Variants in SBF1 observed in about 807,000 individuals in gnomAD.
SBF1 encodes the protein myotubularin-related protein 5.
SBF1 carries 65 observed loss-of-function variants against 215.8 expected under a neutral mutation model. The ratio of observed to expected loss-of-function variants is 0.30; its 90% CI spans 0.25 to 0.37. The LOEUF (loss-of-function observed/expected upper bound fraction) is 0.37, where lower values mean the gene tolerates loss of function less well. SBF1 is among the 10% of genes least tolerant of loss of function. The pLI, the probability that SBF1 is intolerant of heterozygous loss-of-function variation, is 1.00. For missense variants in SBF1, 2,634 were observed against 2,667.8 expected (o/e 0.99, Z 0.28); for synonymous variants, 1,410 against 1,122.8 (o/e 1.26, Z -5.11).
At chr22:50,452,723 CAAAAAAAAAAAAAAAAAAAA>C (rs57951967) in intron 36 of SBF1, among the ~76,000 whole-genome samples, 1 of 39,540 alleles carries the variant, frequency 2.5e-5, no homozygotes, top group Non-Finnish European at 4.0e-5. Context: ...CTCCATCTCT[CAAAAAAAAAAAAAAAAAAAA>C]AAAAAAAACC....
chr22:50,459,909 A>C, intron 26 of SBF1, 43 bp downstream of exon 26: 8 of 1,591,144 alleles, frequency 5.0e-6, no homozygotes, highest in Non-Finnish European at 5.2e-6. Context: ...GAAGACACCC[A>C]GTCACGTGTC....
intron 1 of SBF1, among the ~76,000 whole-genome samples, chr22:50,470,052 G>A (rs1304346225): frequency 2.0e-5 from 3 of 151,638 alleles, no homozygotes; most frequent in Non-Finnish European, 4.4e-5. Flanking sequence ...GGGCCCAGGT[G>A]TCTGCGGGTG....
intron 16 of SBF1, among the ~76,000 whole-genome samples, 166 bp from the exon 17 acceptor site, chr22:50,463,104 C>T (rs1237305085): frequency 1.3e-5 from 2 of 152,126 alleles, no homozygotes; most frequent in East Asian, 1.9e-4. Flanking sequence ...CCCCAGGCCC[C>T]AGCACCTGCC....
In SBF1 at chr22:50,467,706, G is replaced by T. The variant is rs757002446; in HGVS notation, c.280-16C>A. On this transcript the variant is annotated splice_polypyrimidine_tract_variant and intron_variant, in intron 3 of 40. Coordinates refer to ENST00000380817, the MANE Select transcript of SBF1 (RefSeq NM_002972.4). The stretch of plus-strand genomic sequence containing the variant: ...GCGTCGTTTCCTGCTGGGGGTCAGG[G>T]GGAGACGGGGGCAGGGGGAGTTGGC... 3.7e-6 allele frequency: 6 copies of T among 1,606,726 alleles called. No homozygotes were observed. Among genetic ancestry groups the T allele is most frequent in the East Asian group, 2.2e-5 (1 of 44,614 alleles).
chr22:50,456,049 C>G (rs1265395860), intron 31 of SBF1, 167 bp downstream of exon 31: 2 of 735,602 alleles, frequency 2.7e-6, no homozygotes, highest in East Asian at 5.6e-5. Flanking sequence ...CAGGCCCAGC[C>G]TCCCAGCTGC....
chr22:50,474,912 C>T lies in SBF1; in HGVS notation c.-72G>A. On this transcript the variant is annotated 5_prime_UTR_variant, in exon 1 of 41. It removes an upstream start codon present in the reference 5' UTR. Coordinates refer to ENST00000380817, the MANE Select transcript of SBF1 (RefSeq NM_002972.4). ...CTCGGGGACTCGAGGACGGCGCGCT[C>T]ATGGCCCGGCCCCGGCCCTGGACCG... 1 of 1,128,870 alleles carries T rather than the reference C, an allele frequency of 8.9e-7. No homozygotes were observed. The highest frequency in any genetic ancestry group is 4.0e-5 in the East Asian group (1 of 25,198). The allele number at this position is 1,128,870 out of a possible 1,614,324, so 69.9% of individuals were successfully genotyped here. A position where few individuals can be genotyped will look rare whatever the true frequency, so the allele number is the denominator to read the frequency against.
chr22:50,470,796 A>G (rs1193357952), intron 1 of SBF1, among the ~76,000 whole-genome samples: 1 of 152,190 alleles, frequency 6.6e-6, no homozygotes, highest in Non-Finnish European at 1.5e-5. Flanking sequence ...TCGGAAGTAC[A>G]GGGCACCTTC....
chr22:50,455,710 T>C (rs186916646), intron 31 of SBF1, 128 bp from the exon 32 acceptor site: 132 of 747,452 alleles, frequency 1.8e-4, no homozygotes, highest in Non-Finnish European at 2.7e-5. Context: ...CCCCAAGCCC[T>C]GTATGCGGGC....
Position 50,461,844 on chromosome 22 carries a change from G to C in SBF1, c.2595C>G (p.Thr865=). 1 of 1,613,816 alleles carries C rather than the reference G, an allele frequency of 6.2e-7. No homozygotes were observed. Among genetic ancestry groups the C allele is most frequent in the Non-Finnish European group, 8.5e-7 (1 of 1,180,030 alleles). Reference sequence around the variant, plus strand: ...GGCTCTCCCGCTGCACGGCCTCCAGGGTCTCGATGTGCATCTGGACAATGT... The same window carrying C: ...GGCTCTCCCGCTGCACGGCCTCCAGCGTCTCGATGTGCATCTGGACAATGT... ...VPDIVQMHIE[T]LEAVQRESRR... The change falls in exon 21 of 41, where the codon ACC becomes ACG. Residue 865 remains threonine, a synonymous_variant. Coordinates refer to ENST00000380817, the MANE Select transcript of SBF1 (RefSeq NM_002972.4).
rs2067512183 is a variant in SBF1 at position 50,461,524 on chromosome 22, C to A, written c.2838G>T (p.Leu946=). The change falls in exon 22 of 41, where the codon CTG becomes CTT. Residue 946 remains leucine, a splice_region_variant and synonymous_variant. Coordinates refer to ENST00000380817, the MANE Select transcript of SBF1 (RefSeq NM_002972.4). ...GGGCCAGAGAGTCTGCAGGCTCACC[C>A]AGGGGGTCCGTGGGCATCCCCGTGA... ...VIFTGMPTDP[L]VGEQVVVRSF... is the part of the protein sequence containing the mutation. 1.9e-6 allele frequency: 3 copies of A among 1,595,800 alleles called. No individual in the cohort carries two copies. Among genetic ancestry groups the A allele is most frequent in the Non-Finnish European group, 2.6e-6 (3 of 1,167,702 alleles).
At chr22:50,455,962 C>A (rs2067229281) in intron 31 of SBF1, 1 of 563,514 alleles carries the variant, frequency 1.8e-6, no homozygotes, top group Non-Finnish European at 3.1e-6. Context: ...TGGTCATCAG[C>A]CCACGTGGGC....
Position 50,463,430 on chromosome 22 carries a change from C to A in SBF1, c.1752G>T (p.Leu584=). The A allele has an allele frequency of 6.4e-7, 1 of 1,568,140 alleles. No homozygotes were observed. Among genetic ancestry groups the A allele is most frequent in the Non-Finnish European group, 8.7e-7 (1 of 1,154,554 alleles). The part of the protein sequence containing the change: ...FEGKMLEAKK[L]LPAVLRALKG... ...TCAGGGCCCTCAACACGGCTGGGAG[C>A]AGCTGGGGGTGGGGAAAGGAGACAC... Residue 584 remains leucine, a splice_region_variant and synonymous_variant, in exon 16 of 41, where the codon CTG becomes CTT. Transcript: ENST00000380817.
chr22:50,467,713 G>A (rs374262774), intron 3 of SBF1, 23 bp from the exon 4 acceptor site: 105 of 1,604,466 alleles, frequency 6.5e-5, no homozygotes, highest in Non-Finnish European at 7.7e-5. Flanking sequence ...AGGGGGAGAC[G>A]GGGGCAGGGG....
In SBF1 at chr22:50,454,705, A is replaced by G; in HGVS notation, c.4850T>C (p.Val1617Ala). Reference sequence around the variant, plus strand: ...CGTCTCCTCAGTGTAGAAGTCCCACACCTTCAGGTTGGACACGTTGCTGTA... The same window carrying G: ...CGTCTCCTCAGTGTAGAAGTCCCACGCCTTCAGGTTGGACACGTTGCTGTA... Reference protein sequence around the residue: ...RPYSNVSNLKVWDFYTEETLA... With the variant: ...RPYSNVSNLKAWDFYTEETLA... The change falls in exon 36 of 41, where the codon GTG becomes GCG. Residue 1617 changes from valine (V) to alanine (A), a missense_variant. By Grantham distance (64) the Val-to-Ala change is moderately conservative (BLOSUM62 0). Coordinates refer to ENST00000380817, the MANE Select transcript of SBF1 (RefSeq NM_002972.4). The G allele has an allele frequency of 6.4e-7, 1 of 1,566,128 alleles. No individual in the cohort carries two copies. Among genetic ancestry groups the G allele is most frequent in the Non-Finnish European group, 8.6e-7 (1 of 1,157,896 alleles).
intron 2 of SBF1, 41 bp downstream of exon 2, chr22:50,468,335 T>A: frequency 6.3e-7 from 1 of 1,585,864 alleles, no homozygotes; most frequent in Non-Finnish European, 8.6e-7. Context: ...CCACCTGCCC[T>A]CCCCACCTGC....
At position 50,455,419 on chromosome 22, in the gene SBF1, C is replaced by T. The variant is rs1305748004; in HGVS notation, c.4369-10G>A. ...GCACCAAGGATACCACCTGCCAGCA[C>T]CGCCAGGAGGTCAGCGAGGAGCCCG... On this transcript the variant is annotated splice_polypyrimidine_tract_variant and intron_variant, in intron 32 of 40. Transcript: ENST00000380817. 1 of 1,612,036 alleles carries T rather than the reference C, an allele frequency of 6.2e-7. No individual in the cohort carries two copies. The highest frequency in any genetic ancestry group is 1.7e-5 in the Admixed American group (1 of 59,960).
intron 1 of SBF1, among the ~76,000 whole-genome samples, chr22:50,472,261 A>T (rs186623416): frequency 4.6e-5 from 7 of 152,240 alleles, no homozygotes; most frequent in Admixed American, 3.9e-4. Flanking sequence ...CCAGCTGGTA[A>T]CCACTAGCAA....
At chr22:50,447,280 C>T (rs9617008) in intron 40 of SBF1, 40 bp from the exon 41 acceptor site, 25 of 1,613,328 alleles carry the variant, frequency 1.5e-5, no homozygotes, top group Admixed American at 1.0e-4. Context: ...GCCCCCACAC[C>T]GCAGAGCCCC....
chr22:50,453,559 A>G (rs958859373), intron 36 of SBF1, among the ~76,000 whole-genome samples: 1 of 152,208 alleles, frequency 6.6e-6, no homozygotes, highest in Admixed American at 6.5e-5. Context: ...AGGCCGAGGC[A>G]GGTGGATCAC....
Sources: gnomAD v4.1 joint callset for allele counts (sites outside exome capture counted in the v4.1 genomes callset) on GRCh38, gnomAD v4.1.1 for gene constraint, MANE v1.5 for transcripts, NCBI Gene and HGNC (gene_info 2026-07-23, HGNC 2026-07-21) for gene names.